Variants in ATP9B observed in about 807,000 individuals in gnomAD.
The protein encoded by ATP9B is ATPase phospholipid transporting 9B, also known as probable phospholipid-transporting ATPase IIB.
In ATP9B, 110 loss-of-function variants were observed where a neutral mutation model predicts 146.1. The ratio of observed to expected loss-of-function variants is 0.75; its 90% confidence interval spans 0.65 to 0.88. The LOEUF is 0.88. Ranked by LOEUF, ATP9B falls within the 40% of genes least tolerant of loss-of-function variation. ATP9B has a pLI of 0.00. For missense variants in ATP9B, 1,499 were observed against 1,496.4 expected (o/e 1.00, Z -0.03); for synonymous variants, 604 against 569.7 (o/e 1.06, Z -0.86).
intron 1 of ATP9B, among the ~76,000 whole-genome samples, chr18:79,088,917 A>C (rs1568392315): frequency 6.6e-6 from 1 of 152,214 alleles, no homozygotes; most frequent in Non-Finnish European, 1.5e-5. Flanking sequence ...ATGCATCGTC[A>C]CAAATTGTTC....
chr18:79,169,040 G>T (rs967516802), intron 7 of ATP9B, among the ~76,000 whole-genome samples: 3 of 152,120 alleles, frequency 2.0e-5, no homozygotes, highest in African/African-American at 7.2e-5. Context: ...ATTTGTGGAG[G>T]CAGCGTCCTG....
intron 26 of ATP9B, among the ~76,000 whole-genome samples, chr18:79,370,674 G>A (rs148488823): frequency 3.3e-5 from 5 of 152,088 alleles, no homozygotes; most frequent in Non-Finnish European, 2.9e-5. Context: ...CCATTCTGTT[G>A]TGTTTGCTTT....
chr18:79,231,803 T>TACACACACACAC (rs1555777826), intron 11 of ATP9B, among the ~76,000 whole-genome samples: 3 of 114,754 alleles, frequency 2.6e-5, no homozygotes, highest in African/African-American at 1.0e-4. Context: ...TATATATATA[T>TACACACACACAC]ACACACACAC....
rs374137757 is a variant in ATP9B at position 79,375,405 on chromosome 18, G to A, written c.3286G>A (p.Val1096Met). 2.9e-5 allele frequency: 47 copies of A among 1,612,732 alleles called. No homozygotes were observed. The highest frequency in any genetic ancestry group is 1.6e-4 in the Middle Eastern group (1 of 6,082). Residue 1096 changes from valine (V) to methionine (M), a missense_variant, in exon 29 of 30, where the codon GTG (valine) becomes ATG (methionine). Physicochemically the swap from Val to Met is conservative, Grantham distance 21. Coordinates refer to ENST00000426216, the MANE Select transcript of ATP9B (RefSeq NM_198531.5). The part of the protein sequence containing the change: ...FLNEYFGIGR[V>M]SFGAFLDVAF... ...CTGTTTTGGAACAGGTATAGGCAGA[G>A]TGTCTTTTGGAGCTTTCTTAGGTAG... is the stretch of plus-strand genomic sequence containing the variant.
chr18:79,339,378 G>A lies in ATP9B; in HGVS notation c.2283+1929G>A, dbSNP rs1465602038. The stretch of plus-strand genomic sequence containing the variant: ...GAGACTATCATATCTGTCTGAGATC[G>A]CAGTAGGAAGTGTGCATGATTGCAG... On this transcript the variant is annotated intron_variant, in intron 19 of 29. Coordinates refer to ENST00000426216, the MANE Select transcript of ATP9B (RefSeq NM_198531.5). Among the ~76,000 whole-genome samples, 6 of 149,192 alleles carry A rather than the reference G, an allele frequency of 4.0e-5. No individual in the cohort carries two copies. The East Asian group carries it at 6.2e-4, about 15-fold the overall frequency.
At chr18:79,220,831 G>T (rs2095670127) in intron 11 of ATP9B, among the ~76,000 whole-genome samples, 1 of 152,180 alleles carries the variant, frequency 6.6e-6, no homozygotes. Context: ...AGAAAGAAGA[G>T]AGTGCCCTTT....
At chr18:79,090,408 C>G (rs12608414) in intron 1 of ATP9B, among the ~76,000 whole-genome samples, 38,009 of 152,078 alleles carry the variant, frequency 0.25, 5,087 homozygotes, top group East Asian at 0.5. Context: ...CAAGGGTTCC[C>G]TTTTGTCTAC....
At chr18:79,105,407 G>A (rs1330390764) in intron 2 of ATP9B, among the ~76,000 whole-genome samples, 1 of 152,184 alleles carries the variant, frequency 6.6e-6, no homozygotes, top group East Asian at 1.9e-4. Flanking sequence ...AAATATTTAA[G>A]TGTATTTCTA....
chr18:79,327,723 G>A (rs2096762981), intron 15 of ATP9B, among the ~76,000 whole-genome samples: 1 of 115,924 alleles, frequency 8.6e-6, no homozygotes, highest in Non-Finnish European at 1.7e-5. Context: ...TGGTTAGCGT[G>A]CTCGCCGTGG....
At chr18:79,191,440 T>C (rs1179745325) in intron 8 of ATP9B, among the ~76,000 whole-genome samples, 1 of 152,198 alleles carries the variant, frequency 6.6e-6, no homozygotes, top group Admixed American at 6.5e-5. Context: ...GTCCACTCAT[T>C]CTGAACCCCA....
intron 7 of ATP9B, among the ~76,000 whole-genome samples, chr18:79,157,408 A>AAAAAAAACAAC (rs1460881498): frequency 2.8e-4 from 42 of 148,152 alleles, no homozygotes; most frequent in East Asian, 1.4e-3. Context: ...AAAAAAAAAA[A>AAAAAAAACAAC]AAAAAAAAAA....
chr18:79,267,000 A>G (rs1314066133), intron 12 of ATP9B, among the ~76,000 whole-genome samples: 1 of 151,998 alleles, frequency 6.6e-6, no homozygotes, highest in Non-Finnish European at 1.5e-5. Flanking sequence ...CTCTAAAATA[A>G]TTTATCTAAA....
At position 79,371,370 on chromosome 18, in the gene ATP9B, TAAAAAAAAAAAAAAAAAAAA is replaced by T. The variant is rs59110010; in HGVS notation, c.3013-1443_3013-1424del. ...CTGGTGAAAGAGCAAGACTCCGTCT[TAAAAAAAAAAAAAAAAAAAA>T]AAAAAAAAAAACAGTAGTGCTTCTT... is the stretch of plus-strand genomic sequence containing the variant. On this transcript the variant is annotated intron_variant, in intron 26 of 29. Transcript: ENST00000426216. Among the ~76,000 whole-genome samples the T allele has an allele frequency of 5.1e-5, 5 of 98,118 alleles. No individual in the cohort carries two copies. The East Asian group carries it at 1.7e-3, about 33-fold the overall frequency. The allele number at this position is 98,118 out of a possible 152,430, so 64.4% of individuals were successfully genotyped here. A position where few individuals can be genotyped will look rare whatever the true frequency, so the allele number is the denominator to read the frequency against.
At chr18:79,183,353 G>A (rs534029389) in intron 8 of ATP9B, among the ~76,000 whole-genome samples, 7 of 152,188 alleles carry the variant, frequency 4.6e-5, no homozygotes, top group African/African-American at 1.7e-4. Flanking sequence ...TATCTACTGT[G>A]TATTAATTAA....
intron 1 of ATP9B, among the ~76,000 whole-genome samples, chr18:79,092,051 A>G (rs879057089): frequency 6.6e-6 from 1 of 152,160 alleles, no homozygotes; most frequent in African/African-American, 2.4e-5. Context: ...ATATTAATAT[A>G]GCTACTTGGC....
chr18:79,156,730 G>C (rs1219032753), intron 7 of ATP9B, among the ~76,000 whole-genome samples: 1 of 152,168 alleles, frequency 6.6e-6, no homozygotes, highest in African/African-American at 2.4e-5. Context: ...GCCATCATTT[G>C]CCAATATTGG....
At chr18:79,225,595 C>T (rs562731970) in intron 11 of ATP9B, among the ~76,000 whole-genome samples, 2 of 152,022 alleles carry the variant, frequency 1.3e-5, no homozygotes, top group South Asian at 4.2e-4. Context: ...CTGGGTCCCG[C>T]AGTCGCAGGG....
chr18:79,359,781 T>G (rs1285080313), intron 26 of ATP9B: 2 of 295,256 alleles, frequency 6.8e-6, no homozygotes, highest in Non-Finnish European at 1.3e-5. Flanking sequence ...TCACCAAATG[T>G]CAGAGAAGAT....
At chr18:79,114,813 G>A (rs1302441667) in intron 4 of ATP9B, among the ~76,000 whole-genome samples, 3 of 152,126 alleles carry the variant, frequency 2.0e-5, no homozygotes. Context: ...TAGTGTGCAT[G>A]CATGCCTGTG....
Sources: allele counts gnomAD v4.1 joint callset (sites outside exome capture counted in the v4.1 genomes callset), GRCh38; gene constraint gnomAD v4.1.1; transcripts MANE v1.5; gene names NCBI Gene and HGNC (gene_info 2026-07-23, HGNC 2026-07-21).